FBXO27: variants seen among roughly 807,000 people sequenced by gnomAD.
The protein encoded by FBXO27 is F-box only protein 27.
FBXO27 carries 28 observed loss-of-function variants against 28.3 expected under a neutral mutation model. The ratio of observed to expected loss-of-function variants is 0.99; its 90% CI spans 0.73 to 1.36. FBXO27 has a LOEUF of 1.36. Ranked by LOEUF, FBXO27 falls within the 40% of genes most tolerant of loss-of-function variation. The pLI is 0.00. For missense variants in FBXO27, 388 were observed against 394.1 expected, an observed-to-expected ratio of 0.98 and a Z score of 0.13; for synonymous variants, 175 against 167.3, an observed-to-expected ratio of 1.05 and a Z score of -0.36.
chr19:39,029,304 G>A (rs1483153437), intron 4 of FBXO27, among the ~76,000 whole-genome samples: 6 of 151,542 alleles, frequency 4.0e-5, no homozygotes, highest in Admixed American at 3.3e-4. Context: ...GTGCACACCT[G>A]TAATCCCAGC....
chr19:39,025,615 T>TA, intron 5 of FBXO27, 61 bp from the exon 6 acceptor site: 1 of 1,538,194 alleles, frequency 6.5e-7, no homozygotes, highest in Non-Finnish European at 8.8e-7. Flanking sequence ...AAGCTGAGGT[T>TA]AGGGCCTTCT....
At position 39,025,252 on chromosome 19, in the gene FBXO27, A is replaced by G. The variant is rs2072865844; in HGVS notation, c.*159T>C. 2 of 953,252 alleles carry G rather than the reference A, an allele frequency of 2.1e-6. No individual in the cohort carries two copies. The highest frequency in any genetic ancestry group is 3.1e-6 in the Non-Finnish European group (2 of 649,006). 59.0% of individuals were successfully genotyped at this position (953,252 alleles called of 1,614,324 possible). A position where few individuals can be genotyped will look rare whatever the true frequency, so the allele number is the denominator to read the frequency against. The stretch of plus-strand genomic sequence containing the variant: ...GAAGCTTCTTCTGGTAGTTTCTAGA[A>G]CCTGAAGACAGGGCCCGTCAGGGCC... On this transcript the variant is annotated 3_prime_UTR_variant, in exon 6 of 6. Transcript: ENST00000292853.
intron 2 of FBXO27, among the ~76,000 whole-genome samples, chr19:39,009,794 T>G (rs602031): frequency 0.049 from 7,353 of 150,502 alleles, 437 homozygotes; most frequent in African/African-American, 0.15. Flanking sequence ...AGTTGTGGGG[T>G]TTTTTTTTTT....
chr19:39,025,453 A>G lies in FBXO27; in HGVS notation c.810T>C (p.Arg270=). 6.2e-7 allele frequency: 1 copy of G among 1,614,150 alleles called. No individual in the cohort carries two copies. Among genetic ancestry groups the G allele is most frequent in the Non-Finnish European group, 8.5e-7 (1 of 1,180,018 alleles). Residue 270 remains arginine (R), a synonymous_variant, in exon 6 of 6, where the codon CGT becomes CGC. Transcript: ENST00000292853. ...GCACGATCACACTGGAGTTGGTCAC[A>G]CGGGCTCCATAGTGGCCAGCCCAGA... ...TQFWAGHYGA[R]VTNSSVIVRV...
rs1167992316 is a variant in FBXO27 at position 39,032,188 on chromosome 19, G to T, written c.40C>A (p.Pro14Thr). Residue 14 changes from proline (P) to threonine (T), a missense_variant, in exon 2 of 6, where the codon CCC (proline) becomes ACC (threonine). Pro to Thr is a conservative substitution (Grantham distance 38). Coordinates refer to ENST00000292853, the MANE Select transcript of FBXO27 (RefSeq NM_178820.5). The surrounding 1 kb of genome is among the most constrained non-coding windows in gnomAD (Gnocchi z 4.7). The stretch of plus-strand genomic sequence containing the variant: ...TCTTCGGGTTCCGGCTCCGGCGCGG[G>T]GACCCGGGCGGCCCGGCCCCTGGAG... The part of the protein sequence containing the change: ...SVSRGRAARV[P>T]APEPEPEEAL... 2 of 1,489,922 alleles carry T rather than the reference G, an allele frequency of 1.3e-6. No individual in the cohort carries two copies. The highest frequency in any genetic ancestry group is 2.6e-5 in the South Asian group (2 of 76,694). The allele number at this position is 1,489,922 out of a possible 1,614,324, so 92.3% of individuals were successfully genotyped here. A position where few individuals can be genotyped will look rare whatever the true frequency, so the allele number is the denominator to read the frequency against.
chr19:39,015,368 T>G (rs1307992168), intron 1 of FBXO27, among the ~76,000 whole-genome samples: 1 of 137,948 alleles, frequency 7.2e-6, no homozygotes, highest in African/African-American at 2.8e-5. Flanking sequence ...TGGTGGCTCA[T>G]GCCTGTAATC....
chr19:39,013,011 A>C (rs1600222968), intron 2 of FBXO27, among the ~76,000 whole-genome samples: 1 of 151,924 alleles, frequency 6.6e-6, no homozygotes, highest in East Asian at 1.9e-4. Flanking sequence ...GAAATCCTAA[A>C]TTTTCAAAAT....
At chr19:39,023,953 A>G (rs888333374), downstream of FBXO27, 1 of 151,928 alleles carries the variant, frequency 6.6e-6, no homozygotes, top group African/African-American at 2.4e-5. Context: ...TCCCTCCTCA[A>G]CTGGGACTAC....
At chr19:39,013,963 A>G (rs2072807853) in intron 2 of FBXO27, among the ~76,000 whole-genome samples, 1 of 152,176 alleles carries the variant, frequency 6.6e-6, no homozygotes, top group African/African-American at 2.4e-5. Flanking sequence ...CAGTGAGCTG[A>G]GATCACGCCA....
At chr19:39,010,371 C>T (rs2072789030) in intron 2 of FBXO27, among the ~76,000 whole-genome samples, 2 of 152,070 alleles carry the variant, frequency 1.3e-5, no homozygotes, top group Non-Finnish European at 2.9e-5. Flanking sequence ...TGATTCTTTC[C>T]CCCACTGAAT....
downstream of FBXO27, among the ~76,000 whole-genome samples, chr19:39,020,715 G>A (rs2072840975): frequency 8.6e-6 from 1 of 116,162 alleles, no homozygotes; most frequent in Admixed American, 1.0e-4. Flanking sequence ...ATTTATAACA[G>A]AGCCAATCAA....
chr19:39,031,148 A>T, intron 3 of FBXO27, 24 bp from the exon 4 acceptor site: 1 of 1,613,064 alleles, frequency 6.2e-7, no homozygotes, highest in Non-Finnish European at 8.5e-7. Flanking sequence ...AGACAGGGTA[A>T]TGAGAACAGG....
chr19:39,013,427 C>T (rs1373981457), intron 2 of FBXO27, among the ~76,000 whole-genome samples: 5 of 151,330 alleles, frequency 3.3e-5, no homozygotes, highest in African/African-American at 4.9e-5. Flanking sequence ...GTCAGGAGTT[C>T]GAAACCAGCC....
downstream of FBXO27, among the ~76,000 whole-genome samples, chr19:39,020,154 T>C (rs921564791): frequency 1.3e-5 from 2 of 151,946 alleles, no homozygotes; most frequent in Admixed American, 1.3e-4. Context: ...TTAAGGCAGG[T>C]AGGGATAGGC....
Position 39,031,862 on chromosome 19 carries a change from AC to A in FBXO27, c.364+1del. 6.8e-7 allele frequency: 1 copy of A among 1,474,604 alleles called. No homozygotes were observed. The highest frequency in any genetic ancestry group is 2.6e-5 in the East Asian group (1 of 38,232). The allele number at this position is 1,474,604 out of a possible 1,614,324, so 91.3% of individuals were successfully genotyped here. A position where few individuals can be genotyped will look rare whatever the true frequency, so the allele number is the denominator to read the frequency against. ...CCTGGACTTCCTCTTCCGAGATCCC[AC>A]CTTGGCCGCAGGGGTTGCGAATAAG... On this transcript the variant is annotated splice_donor_variant, in intron 2 of 5. Coordinates refer to ENST00000292853, the MANE Select transcript of FBXO27 (RefSeq NM_178820.5). LOFTEE classifies it high-confidence loss of function.
intron 1 of FBXO27, among the ~76,000 whole-genome samples, chr19:39,016,490 G>A (rs905127001): frequency 5.3e-5 from 8 of 150,318 alleles, no homozygotes; most frequent in South Asian, 2.1e-4. Flanking sequence ...GGTGGCTCAC[G>A]CCTGTAATCC....
chr19:39,018,501 A>G (rs1458052695), intron 1 of FBXO27, among the ~76,000 whole-genome samples: 2 of 151,978 alleles, frequency 1.3e-5, no homozygotes, highest in Non-Finnish European at 2.9e-5. Context: ...AATATCGTAA[A>G]CCCTGAATAA....
At chr19:39,016,396 C>T (rs1364647372) in intron 1 of FBXO27, among the ~76,000 whole-genome samples, 4 of 151,198 alleles carry the variant, frequency 2.6e-5, no homozygotes, top group African/African-American at 4.9e-5. Context: ...CTGGGGGAAA[C>T]GGGATATAGG....
downstream of FBXO27, among the ~76,000 whole-genome samples, chr19:39,022,871 TACGGCA>T (rs2072852236): frequency 6.7e-6 from 1 of 150,350 alleles, no homozygotes; most frequent in African/African-American, 2.5e-5. Context: ...GATCTTGGCT[TACGGCA>T]ACCTCTGCCT....
Sources: allele counts gnomAD v4.1 joint callset (sites outside exome capture counted in the v4.1 genomes callset), GRCh38; gene constraint gnomAD v4.1.1; non-coding constraint Gnocchi (gnomAD v3.1); transcripts MANE v1.5; gene names NCBI Gene and HGNC (gene_info 2026-07-23, HGNC 2026-07-21).